Variants in TINAG observed in about 807,000 individuals in gnomAD.
TINAG encodes tubulointerstitial nephritis antigen.
A neutral mutation model predicts 72.7 loss-of-function variants in TINAG; 83 were observed. That is an observed-to-expected ratio of 1.14 (90% CI 0.96 to 1.37). The LOEUF (loss-of-function observed/expected upper bound fraction) is 1.37, where lower values mean the gene tolerates loss of function less well. Among genes scored for constraint, TINAG ranks in the 40% most tolerant of loss-of-function variants. TINAG has a pLI of 0.00. For missense variants in TINAG, 685 were observed against 576.6 expected (o/e 1.19, Z -1.93); for synonymous variants, 234 against 189.9 (o/e 1.23, Z -1.91).
chr6:54,327,377 G>A (rs1784632233), intron 4 of TINAG, among the ~76,000 whole-genome samples: 1 of 152,268 alleles, frequency 6.6e-6, no homozygotes. Flanking sequence ...TTAGTCAAGG[G>A]AAGCCATGAG....
intron 1 of TINAG, among the ~76,000 whole-genome samples, chr6:54,316,245 A>G (rs747002713): frequency 1.3e-5 from 2 of 152,198 alleles, no homozygotes; most frequent in Non-Finnish European, 2.9e-5. Context: ...GTCTAAGAGT[A>G]CAGGTGCTTT....
At chr6:54,382,593 A>G (rs1327193716) in intron 10 of TINAG, among the ~76,000 whole-genome samples, 1 of 152,130 alleles carries the variant, frequency 6.6e-6, no homozygotes, top group Non-Finnish European at 1.5e-5. Flanking sequence ...TGATATAGAT[A>G]TTGGTATAGA....
At chr6:54,352,598 A>G (rs1369553049) in intron 8 of TINAG, among the ~76,000 whole-genome samples, 1 of 151,826 alleles carries the variant, frequency 6.6e-6, no homozygotes, top group Non-Finnish European at 1.5e-5. Context: ...TTAAAAGATC[A>G]CAGGCATTTG....
At chr6:54,354,761 C>A in intron 9 of TINAG, 125 bp downstream of exon 9, 1 of 1,079,220 alleles carries the variant, frequency 9.3e-7, no homozygotes, top group East Asian at 2.8e-5. Flanking sequence ...GAAAAATGAT[C>A]TAAACCTTGC....
Position 54,336,640 on chromosome 6 carries a change from T to C in TINAG, c.625-6586T>C, listed in dbSNP as rs189142005. Reference sequence around the variant, plus strand: ...AATGTGAAAATTAAGAGTTCATTTGTATGCTTGGCTCCATTAAAATTTGTT... The same window carrying C: ...AATGTGAAAATTAAGAGTTCATTTGCATGCTTGGCTCCATTAAAATTTGTT... On this transcript the variant is annotated intron_variant, in intron 4 of 10. Transcript: ENST00000259782. Among the ~76,000 whole-genome samples the C allele has an allele frequency of 8.3e-4, 126 of 152,318 alleles. 1 individual carries two copies. Among genetic ancestry groups the C allele is most frequent in the African/African-American group, 2.6e-3 (110 of 41,578 alleles).
chr6:54,380,670 A>G (rs1763919393), intron 10 of TINAG, 99 bp downstream of exon 10: 1 of 909,538 alleles, frequency 1.1e-6, no homozygotes, highest in African/African-American at 1.7e-5. Context: ...TCACATCCTC[A>G]GCTGTGTAAT....
At chr6:54,383,488 TA>T (rs1184391457) in intron 10 of TINAG, among the ~76,000 whole-genome samples, 10 of 152,196 alleles carry the variant, frequency 6.6e-5, no homozygotes, top group Non-Finnish European at 1.3e-4. Flanking sequence ...ATTGTGTTTT[TA>T]AAAAAATGAG....
intron 9 of TINAG, among the ~76,000 whole-genome samples, chr6:54,370,694 G>A (rs1582751024): frequency 6.6e-6 from 1 of 152,048 alleles, no homozygotes; most frequent in African/African-American, 2.4e-5. Flanking sequence ...GGACTGTTGG[G>A]ATCTTTTGAG....
chr6:54,367,438 T>C (rs913349989), intron 9 of TINAG, among the ~76,000 whole-genome samples: 5 of 151,786 alleles, frequency 3.3e-5, no homozygotes, highest in Admixed American at 6.6e-5. Context: ...GAAGTGCACA[T>C]AGTCTAATAG....
chr6:54,357,356 A>T (rs1763085237), intron 9 of TINAG, among the ~76,000 whole-genome samples: 1 of 151,830 alleles, frequency 6.6e-6, no homozygotes, highest in South Asian at 2.1e-4. Context: ...GTGCCATCTA[A>T]AAGCTGACAT....
intron 4 of TINAG, among the ~76,000 whole-genome samples, chr6:54,330,260 TAACA>T (rs1241863648): frequency 6.6e-6 from 1 of 151,742 alleles, no homozygotes; most frequent in Non-Finnish European, 1.5e-5. Flanking sequence ...ATGGAAATCA[TAACA>T]AACAGTCTAT....
Position 54,320,683 on chromosome 6 carries a change from G to A in TINAG, c.419+41G>A, listed in dbSNP as rs888863065. The A allele has an allele frequency of 5.4e-6, 8 of 1,477,372 alleles. No individual in the cohort carries two copies. In the African/African-American group the frequency reaches 8.4e-5, roughly 16 times the overall value. 91.5% of individuals were successfully genotyped at this position (1,477,372 alleles called of 1,614,324 possible). A position where few individuals can be genotyped will look rare whatever the true frequency, so the allele number is the denominator to read the frequency against. On this transcript the variant is annotated intron_variant, in intron 2 of 10. Transcript: ENST00000259782. The stretch of plus-strand genomic sequence containing the variant: ...GGCACAGAACTGAGTTCTACTGTGT[G>A]TGTATGTTTTCTTCAAATAAAAGAA...
chr6:54,338,719 CAAAAAAAAAAAAAA>C (rs57231980), intron 4 of TINAG, among the ~76,000 whole-genome samples: 1 of 56,980 alleles, frequency 1.8e-5, no homozygotes, highest in South Asian at 7.5e-4. Context: ...GACTCTGTCT[CAAAAAAAAAAAAAA>C]AAAAAAAAAA....
intron 10 of TINAG, among the ~76,000 whole-genome samples, chr6:54,385,735 A>G (rs1764080118): frequency 6.6e-6 from 1 of 152,026 alleles, no homozygotes; most frequent in African/African-American, 2.4e-5. Context: ...AAAATTCCAA[A>G]CAAAATATTA....
intron 3 of TINAG, among the ~76,000 whole-genome samples, chr6:54,325,544 TTTA>T (rs1211923530): frequency 6.6e-5 from 10 of 151,088 alleles, no homozygotes; most frequent in Non-Finnish European, 1.0e-4. Context: ...ACACAGAGAG[TTTA>T]TTACCTCAGT....
chr6:54,355,253 A>C (rs1762997370), intron 9 of TINAG, among the ~76,000 whole-genome samples: 1 of 151,926 alleles, frequency 6.6e-6, no homozygotes, highest in Non-Finnish European at 1.5e-5. Flanking sequence ...ATTCTGACTA[A>C]AACATCTCAT....
intron 4 of TINAG, among the ~76,000 whole-genome samples, chr6:54,333,921 G>A (rs1582712731): frequency 6.6e-6 from 1 of 152,112 alleles, no homozygotes; most frequent in Non-Finnish European, 1.5e-5. Context: ...TCTGTTAAAA[G>A]CATATCTTCA....
chr6:54,358,578 C>T (rs1763131239), intron 9 of TINAG, among the ~76,000 whole-genome samples: 1 of 150,648 alleles, frequency 6.6e-6, no homozygotes, highest in Admixed American at 6.6e-5. Context: ...GAGGAGATAG[C>T]TGAGGCACTC....
intron 1 of TINAG, among the ~76,000 whole-genome samples, chr6:54,310,356 G>T (rs1562142386): frequency 2.0e-5 from 3 of 151,784 alleles, no homozygotes; most frequent in Non-Finnish European, 4.4e-5. Flanking sequence ...AAAGTGCTAG[G>T]ATTACAGGAA....
Sources: allele counts gnomAD v4.1 joint callset (sites outside exome capture counted in the v4.1 genomes callset), GRCh38; gene constraint gnomAD v4.1.1; transcripts MANE v1.5; gene names NCBI Gene and HGNC (gene_info 2026-07-23, HGNC 2026-07-21).